Variants in BCL9L observed in about 807,000 individuals in gnomAD.
The protein encoded by BCL9L is B-cell CLL/lymphoma 9-like protein.
BCL9L carries 19 observed loss-of-function variants against 99.4 expected under a neutral mutation model. That is an observed-to-expected ratio of 0.19 (90% confidence interval 0.13 to 0.28). BCL9L has a LOEUF of 0.28. Among genes scored for constraint, BCL9L ranks in the 10% least tolerant of loss-of-function variants. The pLI, the probability that BCL9L is intolerant of heterozygous loss-of-function variation, is 1.00. For missense variants in BCL9L, 2,023 were observed against 2,101.6 expected (o/e 0.96, Z 0.73); for synonymous variants, 900 against 854.8 (o/e 1.05, Z -0.92).
chr11:118,924,905 G>A (rs1941241812), intron 1 of BCL9L, among the ~76,000 whole-genome samples: 1 of 152,230 alleles, frequency 6.6e-6, no homozygotes, highest in East Asian at 1.9e-4. Flanking sequence ...AGCCTGGGAG[G>A]GGGACTACAT....
chr11:118,902,460 T>A lies in BCL9L; in HGVS notation c.1283A>T (p.Glu428Val). The change falls in exon 8 of 10, where the codon GAG (glutamate) becomes GTG (valine). Residue 428 changes from glutamate (E) to valine (V), a missense_variant. Glu to Val is a moderately radical substitution (Grantham distance 121). Coordinates refer to ENST00000683865, the MANE Select transcript of BCL9L (RefSeq NM_001378213.1). The surrounding 1 kb of genome is among the most constrained non-coding windows in gnomAD (Gnocchi z 7.8). Reference sequence around the variant, plus strand: ...TCCTGGGGGCCCCTTGAGGAAGGGCTCAGTCTCTCCGCTGCGGAGCAGCAG... The same window carrying A: ...TCCTGGGGGCCCCTTGAGGAAGGGCACAGTCTCTCCGCTGCGGAGCAGCAG... Reference protein sequence around the residue: ...ERLLLRSGETEPFLKGPPGGA... With the variant: ...ERLLLRSGETVPFLKGPPGGA... The A allele has an allele frequency of 6.2e-7, 1 of 1,606,902 alleles. No individual in the cohort carries two copies. The highest frequency in any genetic ancestry group is 8.5e-7 in the Non-Finnish European group (1 of 1,177,436).
Position 118,903,326 on chromosome 11 carries a change from T to C in BCL9L, c.659A>G (p.Asp220Gly), listed in dbSNP as rs1225214435. ...PHGPPPGLRP[D>G]APGGGGGGGG... is the part of the protein sequence containing the mutation. ...GCCCCCGCCCCCGCCCCCAGGGGCA[T>C]CAGGCCGAAGGCCAGGAGGAGGGCC... The change falls in exon 6 of 10, where the codon GAT becomes GGT. Residue 220 changes from aspartate (D) to glycine (G), a missense_variant. Physicochemically the swap from Asp to Gly is moderately conservative, Grantham distance 94 (BLOSUM62 -1). Coordinates refer to ENST00000683865, the MANE Select transcript of BCL9L (RefSeq NM_001378213.1). This position sits in a 1 kb window ranked among gnomAD's most constrained non-coding sequence, Gnocchi z 5.6. 1.9e-6 allele frequency: 3 copies of C among 1,586,958 alleles called. No homozygotes were observed. Among genetic ancestry groups the C allele is most frequent in the Non-Finnish European group, 2.6e-6 (3 of 1,167,994 alleles).
rs189893252 is a variant in BCL9L, at chr11:118,898,866, G to C, written c.4049C>G (p.Pro1350Arg). 1.2e-5 allele frequency: 20 copies of C among 1,614,094 alleles called. No individual in the cohort carries two copies. Among genetic ancestry groups the C allele is most frequent in the Admixed American group, 3.3e-5 (2 of 60,020 alleles). The change falls in exon 10 of 10, where the codon CCC (proline) becomes CGC (arginine). Residue 1350 changes from proline to arginine, a missense_variant. Around this residue, in one of 3 missense-constraint regions of BCL9L, gnomAD observed 902 missense variants for 888.2 expected, o/e 1.02. Coordinates refer to ENST00000683865, the MANE Select transcript of BCL9L (RefSeq NM_001378213.1). ...ATGCAGATTAGGGGGCTGAGCCTTG[G>C]GGGGCTGGTTCTCGCTCTTGGGGAA... ...QYFPKSENQP[P>R]KAQPPNLHLM...
rs1940893381 is a variant in BCL9L at position 118,914,135 on chromosome 11, A to G, written c.-76-4120T>C. Among the ~76,000 whole-genome samples, 1 of 152,148 alleles carries G rather than the reference A, an allele frequency of 6.6e-6. No homozygotes were observed. The highest frequency in any genetic ancestry group is 2.1e-4 in the South Asian group (1 of 4,834). ...GGTGTGGTGCTGGGTTCACATGGGT[A>G]GAAGGTAACTTCCCAAGCCTGGGTT... On this transcript the variant is annotated intron_variant, in intron 2 of 9. Transcript: ENST00000683865. The surrounding 1 kb of genome is among the most constrained non-coding windows in gnomAD (Gnocchi z 4.4).
rs1390825851 is a variant in BCL9L, at chr11:118,903,690, T to G, written c.533-238A>C. ...GGCTCCCATGGGCCTGGCATTCTGCTGGGGACTTAACAGGTGTGATTTCAT... is the reference window on the plus strand; with the variant it reads ...GGCTCCCATGGGCCTGGCATTCTGCGGGGGACTTAACAGGTGTGATTTCAT... On this transcript the variant is annotated intron_variant, in intron 5 of 9. Coordinates refer to ENST00000683865, the MANE Select transcript of BCL9L (RefSeq NM_001378213.1). This position sits in a 1 kb window ranked among gnomAD's most constrained non-coding sequence, Gnocchi z 5.6. Among the ~76,000 whole-genome samples, 3 of 152,306 alleles carry G rather than the reference T, an allele frequency of 2.0e-5. No individual in the cohort carries two copies. The highest frequency in any genetic ancestry group is 6.5e-5 in the Admixed American group (1 of 15,298).
At chr11:118,917,735 G>A (rs1941006900) in intron 2 of BCL9L, among the ~76,000 whole-genome samples, 1 of 152,168 alleles carries the variant, frequency 6.6e-6, no homozygotes, top group Non-Finnish European at 1.5e-5. Flanking sequence ...GGCCTGGCCT[G>A]TGGTGCCAGG....
At chr11:118,909,345 C>T (rs1940678569) in intron 3 of BCL9L, among the ~76,000 whole-genome samples, 1 of 152,158 alleles carries the variant, frequency 6.6e-6, no homozygotes, top group Admixed American at 6.5e-5. Flanking sequence ...CCTTTAAGCT[C>T]CAGCCCGCTC....
At position 118,898,003 on chromosome 11, in the gene BCL9L, C is replaced by T. The variant is rs1279769647; in HGVS notation, c.*412G>A. The T allele has an allele frequency of 4.9e-6, 2 of 411,850 alleles. No homozygotes were observed. The highest frequency in any genetic ancestry group is 9.4e-6 in the Non-Finnish European group (2 of 212,018). 25.5% of individuals were successfully genotyped at this position (411,850 alleles called of 1,614,324 possible). On this transcript the variant is annotated 3_prime_UTR_variant, in exon 10 of 10. Transcript: ENST00000683865. ...AGGTGGAGCTCCAGCAATGCGGACA[C>T]GAGGAGACAGGAGCAGAAGGGGCTG...
rs1429017264 is a variant in BCL9L, at chr11:118,914,919, C to A, written c.-77+3907G>T. On this transcript the variant is annotated intron_variant, in intron 2 of 9. Transcript: ENST00000683865. This position sits in a 1 kb window ranked among gnomAD's most constrained non-coding sequence, Gnocchi z 4.4. The stretch of plus-strand genomic sequence containing the variant: ...TTAGGAGGTCAAGGCAGGTGGATCA[C>A]GAGGTCAGGAGTTCAAGACCAGCCT... Among the ~76,000 whole-genome samples, 1 of 152,146 alleles carries A rather than the reference C, an allele frequency of 6.6e-6. No homozygotes were observed. The highest frequency in any genetic ancestry group is 1.5e-5 in the Non-Finnish European group (1 of 68,012).
chr11:118,908,646 G>T lies in BCL9L; in HGVS notation c.36C>A (p.His12Gln). The T allele has an allele frequency of 2.5e-6, 4 of 1,609,870 alleles. No individual in the cohort carries two copies. Among genetic ancestry groups the T allele is most frequent in the Non-Finnish European group, 2.5e-6 (3 of 1,178,124 alleles). The change falls in exon 4 of 10, where the codon CAC (histidine) becomes CAA (glutamine). Residue 12 changes from histidine to glutamine, a missense_variant. Around this residue, in one of 3 missense-constraint regions of BCL9L, gnomAD observed 1,116 missense variants for 1,194.6 expected, o/e 0.93. Coordinates refer to ENST00000683865, the MANE Select transcript of BCL9L (RefSeq NM_001378213.1). ...TCCCTGGAGCTTCTCTCCTCCTGGG[G>T]TGGGGTAACCTGGGAGGAGGTGGGA... is the stretch of plus-strand genomic sequence containing the variant. ...RILANKTRLP[H>Q]PRRREAPGSP...
intron 3 of BCL9L, 35 bp from the exon 4 acceptor site, chr11:118,908,690 C>T: frequency 6.4e-7 from 1 of 1,574,258 alleles, no homozygotes; most frequent in Non-Finnish European, 8.6e-7. Flanking sequence ...AAAAGTTAAC[C>T]TTGCTAGGGG....
rs1021429688 is a variant in BCL9L, at chr11:118,921,320, A to G, written c.-130-2441T>C. Among the ~76,000 whole-genome samples, 3 of 152,170 alleles carry G rather than the reference A, an allele frequency of 2.0e-5. No homozygotes were observed. The highest frequency in any genetic ancestry group is 7.2e-5 in the African/African-American group (3 of 41,422). ...TACGCAGCCATGTGCTAGCACACAA[A>G]CTCAGACACACAAACTTGCAGCGCA... is the stretch of plus-strand genomic sequence containing the variant. On this transcript the variant is annotated intron_variant, in intron 1 of 9. Coordinates refer to ENST00000683865, the MANE Select transcript of BCL9L (RefSeq NM_001378213.1). The surrounding 1 kb of genome is among the most constrained non-coding windows in gnomAD (Gnocchi z 5.4).
chr11:118,902,977 G>T lies in BCL9L; in HGVS notation c.834+13C>A. On this transcript the variant is annotated intron_variant, in intron 7 of 9. Transcript: ENST00000683865. The surrounding 1 kb of genome is among the most constrained non-coding windows in gnomAD (Gnocchi z 7.8). ...CCACCCAGTCCTGCTGCTCACAGAG[G>T]CGCCACGCTCACCTGGTCAAGCTTG... 6.3e-7 allele frequency: 1 copy of T among 1,595,576 alleles called. No individual in the cohort carries two copies.
intron 2 of BCL9L, among the ~76,000 whole-genome samples, chr11:118,913,635 CT>C (rs1940876629): frequency 6.6e-6 from 1 of 152,104 alleles, no homozygotes; most frequent in Admixed American, 6.5e-5. Context: ...GGCGGGCACT[CT>C]GGGCCAGGCA....
In BCL9L at chr11:118,898,300, T is replaced by TCCCCCCCCCCCCCCCCCC; in HGVS notation, c.*114_*115insGGGGGGGGGGGGGGGGGG. ...AATGCCACTCCCTACACAAGCCCCC[T>TCCCCCCCCCCCCCCCCCC]CCCACCCCCTCCACCCCACCCCGCG... On this transcript the variant is annotated 3_prime_UTR_variant, in exon 10 of 10. Coordinates refer to ENST00000683865, the MANE Select transcript of BCL9L (RefSeq NM_001378213.1). 1 of 185,486 alleles carries TCCCCCCCCCCCCCCCCCC rather than the reference T, an allele frequency of 5.4e-6. No individual in the cohort carries two copies. Among genetic ancestry groups the TCCCCCCCCCCCCCCCCCC allele is most frequent in the Non-Finnish European group, 1.0e-5 (1 of 98,960 alleles). The allele number at this position is 185,486 out of a possible 1,614,324, so 11.5% of individuals were successfully genotyped here.
In BCL9L at chr11:118,902,702, C is replaced by T. The variant is rs140496643; in HGVS notation, c.1041G>A (p.Gly347=). ...GGGTGTTAGGGTGGGTGCCCCCAGT[C>T]CCACCACCTGTGCTGGCAGCTCCCA... ...NSVGAASTGG[G]TGGTHPNTPT... The change falls in exon 8 of 10, where the codon GGG becomes GGA. Residue 347 remains glycine (G), a synonymous_variant. Transcript: ENST00000683865. The surrounding 1 kb of genome is among the most constrained non-coding windows in gnomAD (Gnocchi z 7.8). The T allele has an allele frequency of 2.5e-6, 4 of 1,598,900 alleles. No individual in the cohort carries two copies. In the African/African-American group the frequency reaches 5.3e-5, roughly 21 times the overall value.
At chr11:118,923,478 G>A (rs1034324450) in intron 1 of BCL9L, among the ~76,000 whole-genome samples, 2 of 152,234 alleles carry the variant, frequency 1.3e-5, no homozygotes, top group Admixed American at 6.5e-5. Context: ...CCACTGAGGC[G>A]CTAGATTTCT....
intron 1 of BCL9L, among the ~76,000 whole-genome samples, chr11:118,919,593 G>A (rs1015257406): frequency 2.0e-5 from 3 of 152,016 alleles, no homozygotes; most frequent in African/African-American, 4.8e-5. Flanking sequence ...TGGGAGAGAC[G>A]CCAACTAGAG....
Position 118,901,139 on chromosome 11 carries a change from G to A in BCL9L, c.2604C>T (p.Asp868=). The part of the protein sequence containing the change: ...AMSQDMGNTQ[D]MFSPDQSSMP... ...TTGAGCTCTGATCAGGGCTGAACAT[G>A]TCTTGGGTATTGCCCATGTCCTGGG... The change falls in exon 8 of 10, where the codon GAC becomes GAT. Residue 868 remains aspartate, a synonymous_variant. Transcript: ENST00000683865. The surrounding 1 kb of genome is among the most constrained non-coding windows in gnomAD (Gnocchi z 6.6). 6.2e-7 allele frequency: 1 copy of A among 1,613,858 alleles called. No homozygotes were observed. The highest frequency in any genetic ancestry group is 8.5e-7 in the Non-Finnish European group (1 of 1,179,846).
Sources: allele counts gnomAD v4.1 joint callset (sites outside exome capture counted in the v4.1 genomes callset), GRCh38; gene constraint gnomAD v4.1.1; regional missense constraint gnomAD v4.1.1; non-coding constraint Gnocchi (gnomAD v3.1); transcripts MANE v1.5; gene names NCBI Gene and HGNC (gene_info 2026-07-23, HGNC 2026-07-21).